ELAVL2: variants seen among roughly 807,000 people sequenced by gnomAD.
ELAVL2 encodes ELAV like RNA binding protein 2, also known as ELAV-like protein 2.
ELAVL2 carries 4 observed loss-of-function variants against 34.6 expected under a neutral mutation model. That is an observed-to-expected ratio of 0.12 (90% CI 0.06 to 0.26). The LOEUF (loss-of-function observed/expected upper bound fraction) is 0.26. ELAVL2 is among the 10% of genes least tolerant of loss of function. The probability of loss-of-function intolerance (pLI) is 1.00; values close to 1 mark genes in which losing one functional copy is unlikely to be tolerated. For synonymous variants in ELAVL2, 193 were observed against 154.8 expected (o/e 1.25, Z -1.83); for missense variants, 432 against 442.8 (o/e 0.98, Z 0.22).
chr9:23,731,048 A>G lies in ELAVL2; in HGVS notation c.307T>C (p.Leu103=). The G allele has an allele frequency of 6.2e-7, 1 of 1,613,094 alleles. No individual in the cohort carries two copies. The highest frequency in any genetic ancestry group is 8.5e-7 in the Non-Finnish European group (1 of 1,179,394). ...TTTATTGTTTTGGTTTGAAGTCTCA[A>G]TCCATTCAGGGTGTTGATAGCTTTC... ...AEKAINTLNG[L]RLQTKTIKVS... Residue 103 remains leucine, a synonymous_variant, in exon 3 of 7, where the codon TTG becomes CTG. Transcript: ENST00000397312.
chr9:23,846,698 G>A, the ELAVL2 span, among the ~76,000 whole-genome samples: 14 of 151,938 alleles, frequency 9.2e-5, no homozygotes, highest in Non-Finnish European at 4.4e-5. Context: ...GAAATAACCA[G>A]ACAAACCAGG....
Position 23,762,263 on chromosome 9 carries a change from A to T in ELAVL2, c.-15-14T>A. The T allele has an allele frequency of 6.2e-7, 1 of 1,611,516 alleles. No homozygotes were observed. The highest frequency in any genetic ancestry group is 8.5e-7 in the Non-Finnish European group (1 of 1,178,394). On this transcript the variant is annotated splice_polypyrimidine_tract_variant and intron_variant, in intron 1 of 6. Coordinates refer to ENST00000397312, the MANE Select transcript of ELAVL2 (RefSeq NM_004432.5). Reference sequence around the variant, plus strand: ...AGCAATTACCTGCTAAAAACAGAGAAAACAAGAAATGTCAGAATTCATATT... The same window carrying T: ...AGCAATTACCTGCTAAAAACAGAGATAACAAGAAATGTCAGAATTCATATT...
the ELAVL2 span, among the ~76,000 whole-genome samples, chr9:23,837,242 C>A: frequency 6.6e-6 from 1 of 152,274 alleles, no homozygotes; most frequent in South Asian, 2.1e-4. Context: ...CTGCGTAGCC[C>A]AGGACGCCTC....
At chr9:23,707,490 G>A (rs12552940) in intron 3 of ELAVL2, among the ~76,000 whole-genome samples, 1,996 of 151,672 alleles carry the variant, frequency 0.013, 79 homozygotes, top group Admixed American at 0.072. Context: ...ATGGGCTCCA[G>A]GGCAGGCATC....
intron 3 of ELAVL2, among the ~76,000 whole-genome samples, chr9:23,707,862 G>C (rs538122569): frequency 7.9e-5 from 12 of 152,276 alleles, no homozygotes; most frequent in African/African-American, 2.9e-4. Context: ...AAAGTAGAGA[G>C]AAACCTGGGT....
intron 1 of ELAVL2, among the ~76,000 whole-genome samples, chr9:23,809,070 C>G (rs1002572631): frequency 5.3e-5 from 8 of 152,160 alleles, no homozygotes; most frequent in African/African-American, 1.9e-4. Context: ...TGAGCTTTCA[C>G]CCTCAACAAT....
At chr9:23,801,244 A>G (rs1019263783) in intron 1 of ELAVL2, among the ~76,000 whole-genome samples, 7 of 152,234 alleles carry the variant, frequency 4.6e-5, no homozygotes, top group African/African-American at 1.7e-4. Flanking sequence ...AATAGGCTCA[A>G]TATGTTTTAA....
At chr9:23,750,098 C>G (rs1479168099) in intron 2 of ELAVL2, among the ~76,000 whole-genome samples, 1 of 150,522 alleles carries the variant, frequency 6.6e-6, no homozygotes, top group Non-Finnish European at 1.5e-5. Context: ...GAATATTAGA[C>G]ATCCTCCTTA....
At chr9:23,694,493 T>C (rs2034401397) in intron 5 of ELAVL2, among the ~76,000 whole-genome samples, 2 of 151,800 alleles carry the variant, frequency 1.3e-5, no homozygotes, top group African/African-American at 4.8e-5. Flanking sequence ...CCTCAACTGC[T>C]ACAATGCTCA....
At chr9:23,752,307 T>G (rs1056090615) in intron 2 of ELAVL2, among the ~76,000 whole-genome samples, 15 of 152,070 alleles carry the variant, frequency 9.9e-5, no homozygotes, top group African/African-American at 3.6e-4. Flanking sequence ...TGTTCTAAGC[T>G]AAAAGCTCTA....
intron 1 of ELAVL2, among the ~76,000 whole-genome samples, chr9:23,784,964 A>C (rs1019232090): frequency 1.3e-5 from 2 of 152,210 alleles, no homozygotes; most frequent in Non-Finnish European, 2.9e-5. Context: ...GTTTTTTGTA[A>C]AGTGAAATAT....
upstream of ELAVL2, among the ~76,000 whole-genome samples, chr9:23,826,565 A>G (rs2065312680): frequency 6.6e-6 from 1 of 152,242 alleles, no homozygotes; most frequent in Non-Finnish European, 1.5e-5. Context: ...GCGAAGGGAA[A>G]TGCAAGAAGC....
At chr9:23,775,171 A>C (rs2057995615) in intron 1 of ELAVL2, among the ~76,000 whole-genome samples, 1 of 152,204 alleles carries the variant, frequency 6.6e-6, no homozygotes, top group African/African-American at 2.4e-5. Flanking sequence ...TAAAAGTAAA[A>C]ATAAATGGCA....
chr9:23,748,804 G>A (rs1185013843), intron 2 of ELAVL2, among the ~76,000 whole-genome samples: 3 of 152,198 alleles, frequency 2.0e-5, no homozygotes, highest in Middle Eastern at 3.4e-3. Context: ...ACATACAGAA[G>A]AGTCTACAGC....
At chr9:23,823,460 G>A (rs1588871317) in intron 1 of ELAVL2, among the ~76,000 whole-genome samples, 1 of 152,246 alleles carries the variant, frequency 6.6e-6, no homozygotes, top group East Asian at 1.9e-4. Flanking sequence ...TTTTTGTGAA[G>A]AGCTCCAGAA....
At chr9:23,738,363 C>T (rs2048373349) in intron 2 of ELAVL2, among the ~76,000 whole-genome samples, 1 of 152,204 alleles carries the variant, frequency 6.6e-6, no homozygotes, top group Non-Finnish European at 1.5e-5. Flanking sequence ...GCAGGTCCTT[C>T]CATTTAAACA....
At chr9:23,774,402 T>C (rs1218792296) in intron 1 of ELAVL2, among the ~76,000 whole-genome samples, 2 of 152,100 alleles carry the variant, frequency 1.3e-5, no homozygotes, top group Non-Finnish European at 2.9e-5. Flanking sequence ...ATGCAGACTT[T>C]TCCTAATCAT....
chr9:23,783,467 T>TA (rs2059324307), intron 1 of ELAVL2: 2 of 985,434 alleles, frequency 2.0e-6, no homozygotes, highest in African/African-American at 1.7e-5. Context: ...GGCCATGCAC[T>TA]AACCTGAAAA....
intron 1 of ELAVL2, among the ~76,000 whole-genome samples, chr9:23,798,646 G>C (rs1259093350): frequency 6.6e-6 from 1 of 152,122 alleles, no homozygotes; most frequent in Non-Finnish European, 1.5e-5. Context: ...TATGGATTCT[G>C]CCTTTGTAGG....
Sources: gnomAD v4.1 joint callset for allele counts (sites outside exome capture counted in the v4.1 genomes callset) on GRCh38, gnomAD v4.1.1 for gene constraint, MANE v1.5 for transcripts, NCBI Gene and HGNC (gene_info 2026-07-23, HGNC 2026-07-21) for gene names.